Variants in MYT1 observed in about 807,000 individuals in gnomAD.
MYT1 encodes myelin transcription factor I.
In MYT1, 23 loss-of-function variants were observed where a neutral mutation model predicts 123.0. The ratio of observed to expected loss-of-function variants is 0.19; its 90% confidence interval spans 0.13 to 0.26. MYT1 has a LOEUF of 0.26. Among genes scored for constraint, MYT1 ranks in the 10% least tolerant of loss-of-function variants. The pLI, the probability that MYT1 is intolerant of heterozygous loss-of-function variation, is 1.00. For missense variants in MYT1, 1,125 were observed against 1,472.5 expected (o/e 0.76, Z 3.86); for synonymous variants, 518 against 575.3 (o/e 0.90, Z 1.43).
chr20:64,213,728 T>C lies in MYT1; in HGVS notation c.1631+81T>C. On this transcript the variant is annotated intron_variant, in intron 10 of 22. Transcript: ENST00000328439. This position sits in a 1 kb window ranked among gnomAD's most constrained non-coding sequence, Gnocchi z 5.6. ...GCTTCTCAGTCTCCCGCAGGCTGTA[T>C]GTGCATGTGTGTGAGTGCATGTGTG... The C allele has an allele frequency of 9.1e-7, 1 of 1,101,784 alleles. No individual in the cohort carries two copies. Among genetic ancestry groups the C allele is most frequent in the South Asian group, 1.3e-5 (1 of 78,140 alleles). The allele number at this position is 1,101,784 out of a possible 1,614,324, so 68.3% of individuals were successfully genotyped here.
chr20:64,176,950 G>T (rs1421630801), intron 1 of MYT1, among the ~76,000 whole-genome samples: 2 of 152,174 alleles, frequency 1.3e-5, no homozygotes, highest in African/African-American at 2.4e-5. Context: ...TTACAGCGTT[G>T]GTAAGGTTAA....
intron 19 of MYT1, among the ~76,000 whole-genome samples, chr20:64,236,102 TGGGTGA>T (rs1170867890): frequency 1.6e-5 from 2 of 122,776 alleles, no homozygotes; most frequent in Non-Finnish European, 1.7e-5. Flanking sequence ...ATGGCCGTGG[TGGGTGA>T]CCCTGGGCTG....
chr20:64,205,871 C>A, intron 6 of MYT1, 71 bp downstream of exon 6: 2 of 1,571,324 alleles, frequency 1.3e-6, no homozygotes, highest in African/African-American at 1.4e-5. Flanking sequence ...AGCCTGTGAG[C>A]GGGGAGGGGC....
intron 13 of MYT1, among the ~76,000 whole-genome samples, chr20:64,221,210 G>A (rs768275140): frequency 9.2e-5 from 14 of 152,174 alleles, no homozygotes; most frequent in Non-Finnish European, 1.9e-4. Flanking sequence ...ACATGCGAGT[G>A]CCTGTCAGGA....
intron 4 of MYT1, among the ~76,000 whole-genome samples, chr20:64,200,545 A>G (rs147536904): frequency 0.013 from 1,962 of 152,270 alleles, 29 homozygotes; most frequent in Non-Finnish European, 0.021. Flanking sequence ...CAGAGGTGGG[A>G]CAGGAAGACA....
intron 1 of MYT1, among the ~76,000 whole-genome samples, chr20:64,171,247 C>T (rs535622103): frequency 1.6e-4 from 25 of 152,256 alleles, no homozygotes; most frequent in African/African-American, 3.1e-4. Flanking sequence ...AGAGTTATGA[C>T]GTGCTGCAAG....
intron 1 of MYT1, among the ~76,000 whole-genome samples, chr20:64,171,648 C>CACTTCAATATAAGAGTTAGAGTCCAAT (rs1982286460): frequency 6.7e-6 from 1 of 150,018 alleles, no homozygotes; most frequent in African/African-American, 2.5e-5. Flanking sequence ...AACCCAAACC[C>CACTTCAATATAAGAGTTAGAGTCCAAT]TAACTCCCTA....
Position 64,213,511 on chromosome 20 carries a change from A to C in MYT1, c.1518-23A>C. ...CAGGCATGGAGGGGAAGGCTCAGAAACCCCTCCTCTTCCTTCCTCTAGTTT... is the reference window on the plus strand; with the variant it reads ...CAGGCATGGAGGGGAAGGCTCAGAACCCCCTCCTCTTCCTTCCTCTAGTTT... On this transcript the variant is annotated intron_variant, in intron 9 of 22. Coordinates refer to ENST00000328439, the MANE Select transcript of MYT1 (RefSeq NM_004535.3). The surrounding 1 kb of genome is among the most constrained non-coding windows in gnomAD (Gnocchi z 5.6). The C allele has an allele frequency of 2.0e-6, 3 of 1,474,682 alleles. No individual in the cohort carries two copies. The highest frequency in any genetic ancestry group is 2.8e-6 in the Non-Finnish European group (3 of 1,053,514). 91.3% of individuals were successfully genotyped at this position (1,474,682 alleles called of 1,614,324 possible). A position where few individuals can be genotyped will look rare whatever the true frequency, so the allele number is the denominator to read the frequency against.
Position 64,218,956 on chromosome 20 carries a change from C to A in MYT1, c.1892C>A (p.Thr631Asn). Residue 631 changes from threonine to asparagine, a missense_variant, in exon 12 of 23, where the codon ACT becomes AAT. By Grantham distance (65) the Thr-to-Asn change is moderately conservative (BLOSUM62 0). Around this residue, in one of 4 missense-constraint regions of MYT1, gnomAD observed 429 missense variants for 604.1 expected, o/e 0.71. Coordinates refer to ENST00000328439, the MANE Select transcript of MYT1 (RefSeq NM_004535.3). This position sits in a 1 kb window ranked among gnomAD's most constrained non-coding sequence, Gnocchi z 4.0. ...QDAEAAHMAATAILNLSTRCW... is the reference protein window; with the variant it reads ...QDAEAAHMAANAILNLSTRCW... The stretch of plus-strand genomic sequence containing the variant: ...GCCGAGGCTGCACACATGGCTGCCA[C>A]TGCCATCCTGAACCTCTCCACGCGC... The A allele has an allele frequency of 6.2e-7, 1 of 1,613,818 alleles. No individual in the cohort carries two copies. Among genetic ancestry groups the A allele is most frequent in the East Asian group, 2.2e-5 (1 of 44,888 alleles).
rs149913104 is a variant in MYT1 at position 64,201,404 on chromosome 20, T to C, written c.86+1482T>C. The stretch of plus-strand genomic sequence containing the variant: ...CCCTTAAACTTTTTAATGGAGAAAC[T>C]AGGGGAAATGTGTTGACATCTAGTG... On this transcript the variant is annotated intron_variant, in intron 4 of 22. Coordinates refer to ENST00000328439, the MANE Select transcript of MYT1 (RefSeq NM_004535.3). Among the ~76,000 whole-genome samples, 232 of 152,306 alleles carry C rather than the reference T, an allele frequency of 1.5e-3. 1 individual carries two copies. Among genetic ancestry groups the C allele is most frequent in the African/African-American group, 5.3e-3 (222 of 41,560 alleles).
At chr20:64,200,964 T>A (rs926517980) in intron 4 of MYT1, among the ~76,000 whole-genome samples, 7 of 152,144 alleles carry the variant, frequency 4.6e-5, no homozygotes, top group Non-Finnish European at 1.0e-4. Flanking sequence ...ATTGCCTGCT[T>A]GGCCAGCCTG....
chr20:64,218,740 C>A lies in MYT1; in HGVS notation c.1847-171C>A. Reference sequence around the variant, plus strand: ...TAGCTGTGCCCTGGGCCCTCCCATCCCTCCCAAAGTGCCCCCTCCCCACTG... The same window carrying A: ...TAGCTGTGCCCTGGGCCCTCCCATCACTCCCAAAGTGCCCCCTCCCCACTG... On this transcript the variant is annotated intron_variant, in intron 11 of 22. Transcript: ENST00000328439. This position sits in a 1 kb window ranked among gnomAD's most constrained non-coding sequence, Gnocchi z 4.0. 1 of 827,946 alleles carries A rather than the reference C, an allele frequency of 1.2e-6. No individual in the cohort carries two copies. The highest frequency in any genetic ancestry group is 2.5e-5 in the East Asian group (1 of 39,996). The allele number at this position is 827,946 out of a possible 1,614,324, so 51.3% of individuals were successfully genotyped here.
chr20:64,198,741 G>A, intron 2 of MYT1, 121 bp from the exon 3 acceptor site: 1 of 1,041,996 alleles, frequency 9.6e-7, no homozygotes, highest in Non-Finnish European at 1.5e-6. Flanking sequence ...GTCATTCTGT[G>A]CCCAAAATCA....
Position 64,212,841 on chromosome 20 carries a change from C to T in MYT1, c.1518-693C>T, listed in dbSNP as rs1568713192. Among the ~76,000 whole-genome samples, 1 of 152,044 alleles carries T rather than the reference C, an allele frequency of 6.6e-6. No homozygotes were observed. The highest frequency in any genetic ancestry group is 1.5e-5 in the Non-Finnish European group (1 of 68,006). On this transcript the variant is annotated intron_variant, in intron 9 of 22. Transcript: ENST00000328439. The surrounding 1 kb of genome is among the most constrained non-coding windows in gnomAD (Gnocchi z 6.8). ...CCTTACCCTAAGTGCCATGGGTGGCCGTGGCCTCGGTGGGATATGCTTTCC... is the reference window on the plus strand; with the variant it reads ...CCTTACCCTAAGTGCCATGGGTGGCTGTGGCCTCGGTGGGATATGCTTTCC...
intron 4 of MYT1, 27 bp from the exon 5 acceptor site, chr20:64,205,008 T>G: frequency 6.2e-7 from 1 of 1,612,834 alleles, no homozygotes. Flanking sequence ...TCGCCTGATG[T>G]GGCCTTGCCT....
chr20:64,236,361 C>G (rs1224261898), intron 19 of MYT1, among the ~76,000 whole-genome samples, 194 bp from the exon 20 acceptor site: 2 of 133,534 alleles, frequency 1.5e-5, no homozygotes, highest in Non-Finnish European at 1.6e-5. Context: ...CTGGGATGGC[C>G]GCGGTGGGTG....
chr20:64,210,606 AG>A (rs1429001984), intron 7 of MYT1, among the ~76,000 whole-genome samples: 8 of 152,210 alleles, frequency 5.3e-5, no homozygotes. Flanking sequence ...CAAAGGGGAC[AG>A]CTCTCGTCCA....
At chr20:64,230,986 G>T (rs1359819722) in intron 18 of MYT1, among the ~76,000 whole-genome samples, 1 of 152,142 alleles carries the variant, frequency 6.6e-6, no homozygotes, top group Non-Finnish European at 1.5e-5. Context: ...ACCTTCCACT[G>T]GGCAGCGCAG....
rs547875813 is a variant in MYT1, at chr20:64,185,708, C to G, written c.-98-4355C>G. On this transcript the variant is annotated intron_variant, in intron 1 of 22. Coordinates refer to ENST00000328439, the MANE Select transcript of MYT1 (RefSeq NM_004535.3). The surrounding 1 kb of genome is among the most constrained non-coding windows in gnomAD (Gnocchi z 4.5). ...TACCGAGCCAGCATGAAAACAGCCA[C>G]GGTCGCCCGCAGGGGGTCCCCCATG... Among the ~76,000 whole-genome samples the G allele has an allele frequency of 2.6e-5, 4 of 152,214 alleles. No individual in the cohort carries two copies. The highest frequency in any genetic ancestry group is 7.2e-5 in the African/African-American group (3 of 41,454).
Sources: allele counts gnomAD v4.1 joint callset (sites outside exome capture counted in the v4.1 genomes callset), GRCh38; gene constraint gnomAD v4.1.1; regional missense constraint gnomAD v4.1.1; non-coding constraint Gnocchi (gnomAD v3.1); transcripts MANE v1.5; gene names NCBI Gene and HGNC (gene_info 2026-07-23, HGNC 2026-07-21).